The following ZCCHC8 variants were observed in gnomAD, a reference collection of about 807,000 sequenced individuals.
ZCCHC8 encodes the protein zinc finger CCHC domain-containing protein 8.
A neutral mutation model predicts 70.6 loss-of-function variants in ZCCHC8; 27 were observed. The ratio of observed to expected loss-of-function variants is 0.38; its 90% CI spans 0.28 to 0.53. The LOEUF (loss-of-function observed/expected upper bound fraction) is 0.53. Ranked by LOEUF, ZCCHC8 falls within the 20% of genes least tolerant of loss-of-function variation. The pLI, the probability that ZCCHC8 is intolerant of heterozygous loss-of-function variation, is 0.81. For synonymous variants in ZCCHC8, 293 were observed against 317.4 expected (o/e 0.92, Z 0.82); for missense variants, 737 against 876.9 (o/e 0.84, Z 2.01).
intron 3 of ZCCHC8, 29 bp downstream of exon 3, chr12:122,492,686 A>C: frequency 7.3e-7 from 1 of 1,366,972 alleles, no homozygotes; most frequent in Non-Finnish European, 1.0e-6. Flanking sequence ...ACACATTATT[A>C]TATTTAGGAA....
At chr12:122,485,365 T>C (rs1957613710) in intron 5 of ZCCHC8, among the ~76,000 whole-genome samples, 3 of 152,150 alleles carry the variant, frequency 2.0e-5, no homozygotes, top group Non-Finnish European at 4.4e-5. Context: ...CTGCCCGCCT[T>C]GGCCTCCCAA....
At chr12:122,488,870 CA>C (rs532083781) in intron 5 of ZCCHC8, among the ~76,000 whole-genome samples, 5,096 of 92,836 alleles carry the variant, frequency 0.055, 112 homozygotes, top group South Asian at 0.15. Context: ...GACTCCGTTT[CA>C]AAAAAAAAAA....
At chr12:122,496,106 G>A (rs1957822935) in intron 2 of ZCCHC8, among the ~76,000 whole-genome samples, 2 of 151,970 alleles carry the variant, frequency 1.3e-5, no homozygotes, top group Admixed American at 1.3e-4. Context: ...GGTTGAGGCT[G>A]CAGTGAGCAG....
chr12:122,482,607 GACTTTTCTTAACA>G lies in ZCCHC8; in HGVS notation c.732+15_732+27del. 6.3e-7 allele frequency: 1 copy of G among 1,577,818 alleles called. No homozygotes were observed. The highest frequency in any genetic ancestry group is 1.2e-5 in the South Asian group (1 of 85,098). On this transcript the variant is annotated intron_variant, in intron 8 of 13. Coordinates refer to ENST00000633063, the MANE Select transcript of ZCCHC8 (RefSeq NM_017612.5). ...AAACATTAGAAAGCTCTTGTTCAAA[GACTTTTCTTAACA>G]TGAGAAAAATTTACCATTGGGCAAT...
At chr12:122,482,401 G>A (rs1052195371) in intron 8 of ZCCHC8, 6 of 436,206 alleles carry the variant, frequency 1.4e-5, no homozygotes, top group Admixed American at 1.2e-4. Context: ...CTTAAAATAT[G>A]AACACAAATT....
chr12:122,483,735 G>T lies in ZCCHC8; in HGVS notation c.502-172C>A. ...TTGATGTGTAAGTAGAAACTACATCGTCAGTTCCCTCTCTCTGCTAGATCA... is the reference window on the plus strand; with the variant it reads ...TTGATGTGTAAGTAGAAACTACATCTTCAGTTCCCTCTCTCTGCTAGATCA... On this transcript the variant is annotated intron_variant, in intron 5 of 13. Transcript: ENST00000633063. The surrounding 1 kb of genome is among the most constrained non-coding windows in gnomAD (Gnocchi z 4.4). 1 of 602,952 alleles carries T rather than the reference G, an allele frequency of 1.7e-6. No individual in the cohort carries two copies. The highest frequency in any genetic ancestry group is 2.9e-6 in the Non-Finnish European group (1 of 346,994). 37.4% of individuals were successfully genotyped at this position (602,952 alleles called of 1,614,324 possible).
intron 11 of ZCCHC8, 60 bp downstream of exon 11, chr12:122,480,130 C>G (rs889085014): frequency 4.8e-6 from 7 of 1,447,834 alleles, no homozygotes; most frequent in South Asian, 3.7e-5. Context: ...AATATTTTGA[C>G]CAATCTTTAA....
chr12:122,483,748 C>A lies in ZCCHC8; in HGVS notation c.502-185G>T, dbSNP rs527480487. 3 of 583,280 alleles carry A rather than the reference C, an allele frequency of 5.1e-6. No homozygotes were observed. Among genetic ancestry groups the A allele is most frequent in the South Asian group, 4.3e-5 (2 of 46,074 alleles). The allele number at this position is 583,280 out of a possible 1,614,324, so 36.1% of individuals were successfully genotyped here. A position where few individuals can be genotyped will look rare whatever the true frequency, so the allele number is the denominator to read the frequency against. On this transcript the variant is annotated intron_variant, in intron 5 of 13. Transcript: ENST00000633063. This position sits in a 1 kb window ranked among gnomAD's most constrained non-coding sequence, Gnocchi z 4.4. The stretch of plus-strand genomic sequence containing the variant: ...AGAAACTACATCGTCAGTTCCCTCT[C>A]TCTGCTAGATCAGTTTTTCCTCTGT...
In ZCCHC8 at chr12:122,477,951, A is replaced by C; in HGVS notation, c.1235T>G (p.Val412Gly). 1.2e-6 allele frequency: 2 copies of C among 1,613,264 alleles called. No individual in the cohort carries two copies. The highest frequency in any genetic ancestry group is 1.7e-5 in the Admixed American group (1 of 60,010). Residue 412 changes from valine to glycine, a missense_variant, in exon 13 of 14, where the codon GTG becomes GGG. Coordinates refer to ENST00000633063, the MANE Select transcript of ZCCHC8 (RefSeq NM_017612.5). ...YLTSNFQAPG[V>G]KSGNKRSSSH... ...TGAAGACCTCTTGTTGCCAGACTTC[A>C]CACCTGGCTAAAAGAGCAACCAGAC...
At chr12:122,496,981 C>T (rs1957835367) in intron 2 of ZCCHC8, among the ~76,000 whole-genome samples, 1 of 151,908 alleles carries the variant, frequency 6.6e-6, no homozygotes, top group South Asian at 2.1e-4. Context: ...CCCATCTCTA[C>T]TAAAAATACA....
chr12:122,486,390 G>A (rs1484796694), intron 5 of ZCCHC8, among the ~76,000 whole-genome samples: 3 of 140,744 alleles, frequency 2.1e-5, no homozygotes, highest in Non-Finnish European at 4.6e-5. Flanking sequence ...TCTAGCCTGG[G>A]TGACAGAGCG....
chr12:122,491,557 G>A (rs983129843), intron 3 of ZCCHC8, among the ~76,000 whole-genome samples: 5 of 147,838 alleles, frequency 3.4e-5, no homozygotes, highest in East Asian at 4.0e-4. Context: ...AGCCAGGTGC[G>A]GTGCCTCATA....
rs1957918014 is a variant in ZCCHC8 at position 122,500,903 on chromosome 12, T to C, written c.-63A>G. ...GGCCACCAGGGCTTGGGGAAGAAGG[T>C]TGGAAGGCGGCACCACTCTCTAGAG... On this transcript the variant is annotated 5_prime_UTR_variant, in exon 1 of 14. Coordinates refer to ENST00000633063, the MANE Select transcript of ZCCHC8 (RefSeq NM_017612.5). This position sits in a 1 kb window ranked among gnomAD's most constrained non-coding sequence, Gnocchi z 4.8. 1.3e-6 allele frequency: 2 copies of C among 1,517,552 alleles called. No homozygotes were observed. The highest frequency in any genetic ancestry group is 1.4e-5 in the African/African-American group (1 of 72,282). The allele number at this position is 1,517,552 out of a possible 1,614,324, so 94.0% of individuals were successfully genotyped here. A position where few individuals can be genotyped will look rare whatever the true frequency, so the allele number is the denominator to read the frequency against.
chr12:122,473,354 T>C lies in ZCCHC8; in HGVS notation c.*143A>G. On this transcript the variant is annotated 3_prime_UTR_variant, in exon 14 of 14. Coordinates refer to ENST00000633063, the MANE Select transcript of ZCCHC8 (RefSeq NM_017612.5). ...TAGTGAGCTCAGTCTTTCTTTAAAA[T>C]AGGCTTGACTTTGGAACATGAACCT... 1 of 984,744 alleles carries C rather than the reference T, an allele frequency of 1.0e-6. No homozygotes were observed. The highest frequency in any genetic ancestry group is 1.5e-6 in the Non-Finnish European group (1 of 683,602). The allele number at this position is 984,744 out of a possible 1,614,324, so 61.0% of individuals were successfully genotyped here.
At chr12:122,485,968 G>A (rs769511961) in intron 5 of ZCCHC8, among the ~76,000 whole-genome samples, 3 of 152,028 alleles carry the variant, frequency 2.0e-5, no homozygotes, top group Non-Finnish European at 2.9e-5. Context: ...GTACATCCAC[G>A]TTCTAAGCAC....
At chr12:122,498,722 T>G (rs1024271433) in intron 2 of ZCCHC8, 105 bp downstream of exon 2, 1 of 1,091,192 alleles carries the variant, frequency 9.2e-7, no homozygotes, top group Non-Finnish European at 1.4e-6. Flanking sequence ...CAAATAAAAA[T>G]GATACAAAAA....
chr12:122,483,368 T>C lies in ZCCHC8; in HGVS notation c.606-24A>G, dbSNP rs1957574141. 4 of 1,582,354 alleles carry C rather than the reference T, an allele frequency of 2.5e-6. No homozygotes were observed. The highest frequency in any genetic ancestry group is 4.6e-5 in the East Asian group (2 of 43,944). On this transcript the variant is annotated intron_variant, in intron 6 of 13. Coordinates refer to ENST00000633063, the MANE Select transcript of ZCCHC8 (RefSeq NM_017612.5). This position sits in a 1 kb window ranked among gnomAD's most constrained non-coding sequence, Gnocchi z 4.4. ...ACCTTTAGTGAATTTTATTAAGGAA[T>C]AGTTATCATGGTCTGCAAAATTTGG... is the stretch of plus-strand genomic sequence containing the variant.
chr12:122,481,491 A>G, intron 10 of ZCCHC8, 31 bp downstream of exon 10: 1 of 1,560,882 alleles, frequency 6.4e-7, no homozygotes, highest in Non-Finnish European at 8.6e-7. Flanking sequence ...GGAAACACTT[A>G]AGGTGACTTC....
In ZCCHC8 at chr12:122,473,388, T is replaced by C; in HGVS notation, c.*109A>G. 8.0e-7 allele frequency: 1 copy of C among 1,248,712 alleles called. No individual in the cohort carries two copies. The highest frequency in any genetic ancestry group is 2.7e-5 in the Admixed American group (1 of 36,384). The allele number at this position is 1,248,712 out of a possible 1,614,324, so 77.4% of individuals were successfully genotyped here. ...CTTTGGAACATGAACCTTGGATAGA[T>C]TTTTAAACATGGGAGGGACAAACAG... On this transcript the variant is annotated 3_prime_UTR_variant, in exon 14 of 14. Coordinates refer to ENST00000633063, the MANE Select transcript of ZCCHC8 (RefSeq NM_017612.5).
Sources: allele counts gnomAD v4.1 joint callset (sites outside exome capture counted in the v4.1 genomes callset), GRCh38; gene constraint gnomAD v4.1.1; non-coding constraint Gnocchi (gnomAD v3.1); transcripts MANE v1.5; gene names NCBI Gene and HGNC (gene_info 2026-07-23, HGNC 2026-07-21).